Variants in BBS9 observed in about 807,000 individuals in gnomAD.
BBS9 encodes the protein Bardet-Biedl syndrome 9, also known as protein PTHB1.
In BBS9, 89 loss-of-function variants were observed where a neutral mutation model predicts 117.7. The ratio of observed to expected loss-of-function variants is 0.76; its 90% confidence interval spans 0.64 to 0.90. The LOEUF (loss-of-function observed/expected upper bound fraction) is 0.90. Among genes scored for constraint, BBS9 ranks in the 40% least tolerant of loss-of-function variants. BBS9 has a pLI of 0.00. For synonymous variants in BBS9, 379 were observed against 370.9 expected (o/e 1.02, Z -0.25); for missense variants, 982 against 1,042.2 (o/e 0.94, Z 0.80).
At chr7:33,405,934 A>G (rs78457035) in intron 19 of BBS9, among the ~76,000 whole-genome samples, 7 of 146,764 alleles carry the variant, frequency 4.8e-5, no homozygotes, top group Admixed American at 6.7e-5. Flanking sequence ...TAATTGTGAT[A>G]TTAGGGTGTC....
chr7:33,561,453 T>C (rs953743738), intron 21 of BBS9, among the ~76,000 whole-genome samples: 18 of 152,202 alleles, frequency 1.2e-4, no homozygotes, highest in African/African-American at 4.1e-4. Context: ...CCTCTAGCCT[T>C]TCCCAAATCG....
chr7:33,634,405 T>A (rs1866045664), intron 21 of BBS9, among the ~76,000 whole-genome samples: 1 of 152,208 alleles, frequency 6.6e-6, no homozygotes, highest in Non-Finnish European at 1.5e-5. Context: ...CTGAGCCTCA[T>A]TTTCCTGTCT....
intron 19 of BBS9, among the ~76,000 whole-genome samples, chr7:33,405,498 A>G (rs1019476298): frequency 5.3e-5 from 8 of 152,106 alleles, no homozygotes; most frequent in African/African-American, 1.9e-4. Flanking sequence ...TTGGTAAGCT[A>G]TTGATTATTG....
At chr7:33,317,825 G>T (rs1810856013) in intron 9 of BBS9, among the ~76,000 whole-genome samples, 1 of 152,186 alleles carries the variant, frequency 6.6e-6, no homozygotes, top group Non-Finnish European at 1.5e-5. Context: ...GACAAAGAGG[G>T]CATATCACAT....
intron 5 of BBS9, among the ~76,000 whole-genome samples, chr7:33,223,093 A>G (rs1382464653): frequency 6.6e-6 from 1 of 151,950 alleles, no homozygotes; most frequent in Non-Finnish European, 1.5e-5. Context: ...CAATACATTA[A>G]AAAATTAATT....
chr7:33,216,283 C>G (rs773325359), intron 5 of BBS9, among the ~76,000 whole-genome samples: 9 of 152,160 alleles, frequency 5.9e-5, no homozygotes, highest in Non-Finnish European at 1.2e-4. Flanking sequence ...TAGAATGGTT[C>G]TTCCATTAGT....
intron 9 of BBS9, among the ~76,000 whole-genome samples, chr7:33,304,036 G>A (rs186936713): frequency 0.011 from 1,593 of 149,272 alleles, 10 homozygotes; most frequent in Middle Eastern, 0.029. Context: ...GCCTCTGCCC[G>A]GCCGCCACCC....
intron 4 of BBS9, among the ~76,000 whole-genome samples, chr7:33,163,164 T>A (rs1795128752): frequency 6.6e-6 from 1 of 152,174 alleles, no homozygotes; most frequent in Admixed American, 6.5e-5. Flanking sequence ...CAGCCTTGCA[T>A]CCCAGGGATG....
intron 21 of BBS9, among the ~76,000 whole-genome samples, chr7:33,594,692 ACAG>A (rs1359730177): frequency 6.6e-6 from 1 of 152,142 alleles, no homozygotes; most frequent in Non-Finnish European, 1.5e-5. Context: ...CTAGAGAGCA[ACAG>A]CAGCATTGAA....
At chr7:33,146,423 G>C in intron 2 of BBS9, 59 bp downstream of exon 2, 1 of 1,365,448 alleles carries the variant, frequency 7.3e-7, no homozygotes, top group Non-Finnish European at 1.0e-6. Flanking sequence ...AAATAAGACT[G>C]GGCACGGTGG....
At chr7:33,462,138 TG>T (rs1839553189) in intron 19 of BBS9, among the ~76,000 whole-genome samples, 1 of 152,064 alleles carries the variant, frequency 6.6e-6, no homozygotes, top group Admixed American at 6.6e-5. Context: ...GACTCTAGTT[TG>T]ATTACACAAG....
chr7:33,624,913 T>C (rs968063352), intron 21 of BBS9, among the ~76,000 whole-genome samples: 4 of 152,166 alleles, frequency 2.6e-5, no homozygotes, highest in Non-Finnish European at 5.9e-5. Context: ...CTTTCAACGA[T>C]TGAAACATCA....
chr7:33,258,282 A>G (rs1331616194), intron 6 of BBS9, among the ~76,000 whole-genome samples: 2 of 152,214 alleles, frequency 1.3e-5, no homozygotes, highest in African/African-American at 4.8e-5. Context: ...TGGCCACATC[A>G]TTATTCCCAA....
intron 5 of BBS9, among the ~76,000 whole-genome samples, chr7:33,247,795 G>A (rs1238954813): frequency 1.3e-5 from 2 of 152,130 alleles, no homozygotes; most frequent in African/African-American, 2.4e-5. Context: ...TTTCATGATC[G>A]TTCCATCTGA....
chr7:33,216,603 C>T (rs1278201392), intron 5 of BBS9, among the ~76,000 whole-genome samples: 2 of 152,106 alleles, frequency 1.3e-5, no homozygotes, highest in Non-Finnish European at 2.9e-5. Context: ...CATTGAAAAT[C>T]AGTTATAGTA....
At chr7:33,603,527 A>T (rs1864118506) in intron 21 of BBS9, among the ~76,000 whole-genome samples, 1 of 152,172 alleles carries the variant, frequency 6.6e-6, no homozygotes, top group Admixed American at 6.5e-5. Context: ...GAGAATAATA[A>T]TAATACCTAT....
chr7:33,427,511 A>G (rs547862451), intron 19 of BBS9, among the ~76,000 whole-genome samples: 2 of 152,300 alleles, frequency 1.3e-5, no homozygotes, highest in Middle Eastern at 3.4e-3. Context: ...GGTTTTATTG[A>G]CTAGATATCA....
At chr7:33,611,412 C>A (rs1485045830) in intron 21 of BBS9, among the ~76,000 whole-genome samples, 1 of 147,088 alleles carries the variant, frequency 6.8e-6, no homozygotes, top group East Asian at 2.0e-4. Flanking sequence ...CTGTAATATT[C>A]ATTGAATCCT....
intron 15 of BBS9, among the ~76,000 whole-genome samples, chr7:33,354,946 G>A (rs1432216910): frequency 1.3e-5 from 2 of 152,052 alleles, no homozygotes; most frequent in Non-Finnish European, 2.9e-5. Flanking sequence ...AACAGTCAGT[G>A]TGATAAATGA....
Sources: gnomAD v4.1 joint callset for allele counts (sites outside exome capture counted in the v4.1 genomes callset) on GRCh38, gnomAD v4.1.1 for gene constraint, MANE v1.5 for transcripts, NCBI Gene and HGNC (gene_info 2026-07-23, HGNC 2026-07-21) for gene names.